Variants in ATP8A1 observed in about 807,000 individuals in gnomAD.
The protein encoded by ATP8A1 is phospholipid-transporting ATPase IA.
ATP8A1 carries 90 observed loss-of-function variants against 177.7 expected under a neutral mutation model. The observed-to-expected ratio is 0.51, with a 90% CI of 0.43 to 0.60. The LOEUF is 0.60. Ranked by LOEUF, ATP8A1 falls within the 20% of genes least tolerant of loss-of-function variation. The pLI, the probability that ATP8A1 is intolerant of heterozygous loss-of-function variation, is 0.00. For missense variants in ATP8A1, 1,072 were observed against 1,392.8 expected (o/e 0.77, Z 3.67); for synonymous variants, 493 against 485.9 (o/e 1.01, Z -0.19).
At chr4:42,460,938 G>C (rs1201464774) in intron 27 of ATP8A1, among the ~76,000 whole-genome samples, 1 of 152,008 alleles carries the variant, frequency 6.6e-6, no homozygotes, top group Non-Finnish European at 1.5e-5. Flanking sequence ...CAATAAGAAG[G>C]CAACTTTTTA....
At chr4:42,503,170 T>C (rs998865293) in intron 24 of ATP8A1, among the ~76,000 whole-genome samples, 13 of 152,246 alleles carry the variant, frequency 8.5e-5, no homozygotes, top group Non-Finnish European at 1.6e-4. Context: ...TTGCAGTCAC[T>C]CAGCAACCTC....
At chr4:42,457,686 T>C (rs960522300) in intron 27 of ATP8A1, among the ~76,000 whole-genome samples, 11 of 152,202 alleles carry the variant, frequency 7.2e-5, no homozygotes, top group African/African-American at 2.7e-4. Flanking sequence ...ATACGAATGG[T>C]CCCCTAGCTT....
Position 42,586,357 on chromosome 4 carries a change from A to C in ATP8A1, c.714T>G (p.Asp238Glu). ...AGACGGATTTTACATACCCATGTCCATCAAGCCTTATGTTTCCAACAAAAT... is the reference window on the plus strand; with the variant it reads ...AGACGGATTTTACATACCCATGTCCCTCAAGCCTTATGTTTCCAACAAAAT... ...LYDFVGNIRL[D>E]GHGTVPLGAD... The change falls in exon 9 of 37, where the codon GAT becomes GAG. Residue 238 changes from aspartate to glutamate, a missense_variant. Asp to Glu is a conservative substitution (Grantham distance 45). Around this residue, in one of 5 missense-constraint regions of ATP8A1, gnomAD observed 344 missense variants for 393.5 expected, o/e 0.87. Coordinates refer to ENST00000381668, the MANE Select transcript of ATP8A1 (RefSeq NM_006095.2). 1 of 1,614,026 alleles carries C rather than the reference A, an allele frequency of 6.2e-7. No individual in the cohort carries two copies. Among genetic ancestry groups the C allele is most frequent in the Non-Finnish European group, 8.5e-7 (1 of 1,179,960 alleles).
intron 16 of ATP8A1, among the ~76,000 whole-genome samples, chr4:42,555,114 TATCTATCTATCTATCTATCTATCTA>T (rs1560453980): frequency 7.3e-5 from 7 of 95,784 alleles, no homozygotes; most frequent in Admixed American, 1.1e-4. Flanking sequence ...TCTATCTATC[TATCTATCTATCTATCTATCTATCTA>T]ATCTATCTAT....
At chr4:42,554,473 T>G (rs1729845763) in intron 16 of ATP8A1, among the ~76,000 whole-genome samples, 1 of 152,186 alleles carries the variant, frequency 6.6e-6, no homozygotes. Context: ...TTGTAGATCC[T>G]GAAGTTAATA....
intron 1 of ATP8A1, among the ~76,000 whole-genome samples, chr4:42,652,089 C>T (rs1741151988): frequency 6.6e-6 from 1 of 152,240 alleles, no homozygotes; most frequent in Non-Finnish European, 1.5e-5. Flanking sequence ...TTTCCCACAT[C>T]TCACCTAAAA....
rs79916448 is a variant in ATP8A1, at chr4:42,567,573, A to C, written c.1340+1588T>G. ...CTCACTTTACTGTAACGGTAGTGAA[A>C]GCCTTCCCTATTGTTATTTTTAAAA... On this transcript the variant is annotated intron_variant, in intron 15 of 36. Coordinates refer to ENST00000381668, the MANE Select transcript of ATP8A1 (RefSeq NM_006095.2). 8.0e-3 allele frequency among the ~76,000 whole-genome samples: 1,215 copies of C among 152,296 alleles called. 3 individuals are homozygous for C. The highest frequency in any genetic ancestry group is 0.013 in the Non-Finnish European group (909 of 68,016).
intron 5 of ATP8A1, among the ~76,000 whole-genome samples, chr4:42,607,881 G>GA (rs2109422815): frequency 6.6e-6 from 1 of 152,288 alleles, no homozygotes; most frequent in Non-Finnish European, 1.5e-5. Flanking sequence ...TGGTGAAGGG[G>GA]AGTAGGAATA....
chr4:42,626,911 A>T (rs1218381136), intron 2 of ATP8A1, 84 bp downstream of exon 2: 6 of 1,008,118 alleles, frequency 6.0e-6, no homozygotes, highest in Non-Finnish European at 9.4e-6. Flanking sequence ...GACTGCACTG[A>T]AAGCTCTTTG....
At chr4:42,609,740 C>T (rs953255830) in intron 5 of ATP8A1, among the ~76,000 whole-genome samples, 2 of 152,020 alleles carry the variant, frequency 1.3e-5, no homozygotes, top group Non-Finnish European at 2.9e-5. Flanking sequence ...CTTGACACAA[C>T]CTGTCCCCCT....
chr4:42,424,776 C>T (rs966809651), intron 33 of ATP8A1, among the ~76,000 whole-genome samples: 2 of 152,142 alleles, frequency 1.3e-5, no homozygotes, highest in Non-Finnish European at 2.9e-5. Flanking sequence ...ATGAGCTTAT[C>T]GATACAGACC....
At chr4:42,565,337 C>A (rs546220647) in intron 15 of ATP8A1, among the ~76,000 whole-genome samples, 1 of 152,268 alleles carries the variant, frequency 6.6e-6, no homozygotes, top group South Asian at 2.1e-4. Context: ...TGTGTCAGAT[C>A]TCTTTGTTAT....
At chr4:42,630,480 A>C (rs1738616844) in intron 1 of ATP8A1, among the ~76,000 whole-genome samples, 1 of 152,206 alleles carries the variant, frequency 6.6e-6, no homozygotes. Context: ...TTGATCTGGT[A>C]ACAGTTCTGA....
At chr4:42,498,742 C>T (rs1723529880) in intron 24 of ATP8A1, among the ~76,000 whole-genome samples, 2 of 151,844 alleles carry the variant, frequency 1.3e-5, no homozygotes. Context: ...AAGTACTTAA[C>T]AGGTATTGTT....
chr4:42,610,090 G>C (rs1577696333), intron 5 of ATP8A1, among the ~76,000 whole-genome samples: 2 of 151,232 alleles, frequency 1.3e-5, no homozygotes, highest in Middle Eastern at 6.9e-3. Flanking sequence ...GCTTACCAAA[G>C]TTCCACTCTT....
chr4:42,544,451 C>A (rs1728694230), intron 19 of ATP8A1, among the ~76,000 whole-genome samples: 1 of 152,148 alleles, frequency 6.6e-6, no homozygotes, highest in African/African-American at 2.4e-5. Flanking sequence ...CTTTAAAAAA[C>A]AACTTAAGCA....
intron 9 of ATP8A1, among the ~76,000 whole-genome samples, chr4:42,585,177 A>G (rs1733494146): frequency 6.6e-6 from 1 of 152,142 alleles, no homozygotes; most frequent in Non-Finnish European, 1.5e-5. Flanking sequence ...CTCAAATGTT[A>G]CCTTTTCAAT....
intron 3 of ATP8A1, 89 bp downstream of exon 3, chr4:42,625,525 G>A (rs761773016): frequency 1.7e-5 from 14 of 807,870 alleles, no homozygotes; most frequent in Middle Eastern, 2.4e-4. Flanking sequence ...CTTATCTCTC[G>A]GCATTTACAT....
At chr4:42,447,479 G>A (rs942450929) in intron 30 of ATP8A1, among the ~76,000 whole-genome samples, 1 of 152,102 alleles carries the variant, frequency 6.6e-6, no homozygotes, top group Non-Finnish European at 1.5e-5. Flanking sequence ...CACTGCACCT[G>A]GCCGCCTTCA....
Sources: gnomAD v4.1 joint callset for allele counts (sites outside exome capture counted in the v4.1 genomes callset) on GRCh38, gnomAD v4.1.1 for gene constraint, gnomAD v4.1.1 regional missense constraint, MANE v1.5 for transcripts, NCBI Gene and HGNC (gene_info 2026-07-23, HGNC 2026-07-21) for gene names.